The following THSD7B variants were observed in gnomAD, a reference collection of about 807,000 sequenced individuals.
The protein encoded by THSD7B is thrombospondin type 1 domain containing 7B.
THSD7B carries 138 observed loss-of-function variants against 213.6 expected under a neutral mutation model. The ratio of observed to expected loss-of-function variants is 0.65; its 90% CI spans 0.56 to 0.74. THSD7B has a LOEUF of 0.74. THSD7B is among the 30% of genes least tolerant of loss of function. The probability of loss-of-function intolerance (pLI) is 0.00; values close to 1 mark genes in which losing one functional copy is unlikely to be tolerated. For missense variants in THSD7B, 1,931 were observed against 1,991.5 expected (o/e 0.97, Z 0.58); for synonymous variants, 742 against 687.0 (o/e 1.08, Z -1.25).
chr2:137,234,740 G>T (rs996470461), intron 9 of THSD7B, among the ~76,000 whole-genome samples: 1 of 152,170 alleles, frequency 6.6e-6, no homozygotes, highest in Non-Finnish European at 1.5e-5. Context: ...GGAGTGATCG[G>T]TTTGCCAAGG....
chr2:137,161,416 C>T (rs1481482715), intron 6 of THSD7B, among the ~76,000 whole-genome samples: 1 of 151,758 alleles, frequency 6.6e-6, no homozygotes, highest in Non-Finnish European at 1.5e-5. Flanking sequence ...TGCTAGCATG[C>T]TTGCATACCT....
intron 1 of THSD7B, among the ~76,000 whole-genome samples, chr2:136,783,882 TGA>T (rs1681791386): frequency 6.6e-6 from 1 of 152,248 alleles, no homozygotes; most frequent in Admixed American, 6.5e-5. Context: ...AATCAGTTTG[TGA>T]GAGTCTTCTT....
intron 17 of THSD7B, among the ~76,000 whole-genome samples, chr2:137,586,920 C>T (rs1408983428): frequency 6.6e-6 from 1 of 152,182 alleles, no homozygotes; most frequent in Non-Finnish European, 1.5e-5. Flanking sequence ...GGAAAATATC[C>T]TGCAGAGTGT....
intron 10 of THSD7B, among the ~76,000 whole-genome samples, chr2:137,253,585 G>T (rs1682236043): frequency 6.6e-6 from 1 of 152,074 alleles, no homozygotes; most frequent in Admixed American, 6.6e-5. Flanking sequence ...AGAATTCTCT[G>T]CAGACAATAT....
intron 2 of THSD7B, among the ~76,000 whole-genome samples, chr2:136,956,673 T>C (rs906158255): frequency 6.7e-6 from 1 of 149,498 alleles, no homozygotes; most frequent in East Asian, 2.0e-4. Context: ...TTACTTTAAT[T>C]TTTTTTCTTT....
At chr2:136,814,444 G>T (rs1682438236) in intron 1 of THSD7B, among the ~76,000 whole-genome samples, 1 of 151,764 alleles carries the variant, frequency 6.6e-6, no homozygotes, top group Non-Finnish European at 1.5e-5. Context: ...TGTTGCCCAG[G>T]CTCGAGTGCA....
At chr2:137,481,073 C>T (rs942374877) in intron 15 of THSD7B, among the ~76,000 whole-genome samples, 1 of 152,154 alleles carries the variant, frequency 6.6e-6, no homozygotes, top group African/African-American at 2.4e-5. Flanking sequence ...TTTTAAGCTG[C>T]CATCTTGGAA....
intron 20 of THSD7B, among the ~76,000 whole-genome samples, chr2:137,625,746 G>C (rs1242767618): frequency 6.6e-6 from 1 of 152,162 alleles, no homozygotes; most frequent in Non-Finnish European, 1.5e-5. Context: ...ACTGCCAATG[G>C]CTCTACAGTC....
intron 2 of THSD7B, among the ~76,000 whole-genome samples, chr2:137,020,700 C>T (rs1409576122): frequency 6.6e-6 from 1 of 152,178 alleles, no homozygotes; most frequent in African/African-American, 2.4e-5. Context: ...AGCACTCCTT[C>T]GCTTTGCCCC....
intron 12 of THSD7B, among the ~76,000 whole-genome samples, chr2:137,319,626 C>T (rs1684219673): frequency 6.6e-6 from 1 of 152,192 alleles, no homozygotes; most frequent in African/African-American, 2.4e-5. Flanking sequence ...ATGGCTGTTG[C>T]TGCCATTTTC....
chr2:137,546,480 TA>T (rs1680741966), intron 15 of THSD7B, among the ~76,000 whole-genome samples: 1 of 68,600 alleles, frequency 1.5e-5, no homozygotes, highest in African/African-American at 6.8e-5. Context: ...ATATATATAA[TA>T]TATATATATA....
At chr2:136,996,712 TTTAA>T (rs1278241328) in intron 2 of THSD7B, among the ~76,000 whole-genome samples, 2 of 152,182 alleles carry the variant, frequency 1.3e-5, no homozygotes, top group African/African-American at 4.8e-5. Flanking sequence ...AATAAAATAA[TTTAA>T]TTATTAATCA....
chr2:137,238,194 C>G (rs1681810973), intron 9 of THSD7B, among the ~76,000 whole-genome samples: 1 of 152,146 alleles, frequency 6.6e-6, no homozygotes, highest in African/African-American at 2.4e-5. Context: ...ATTAGCAACT[C>G]TCTATAGAAA....
rs1681629596 is a variant in THSD7B at position 137,231,113 on chromosome 2, G to A, written c.1793G>A (p.Cys598Tyr). The A allele has an allele frequency of 6.2e-7, 1 of 1,613,846 alleles. No homozygotes were observed. The highest frequency in any genetic ancestry group is 8.5e-7 in the Non-Finnish European group (1 of 1,179,800). Residue 598 changes from cysteine to tyrosine, a missense_variant, in exon 8 of 28, where the codon TGC (cysteine) becomes TAC (tyrosine). Physicochemically the swap from Cys to Tyr is radical, Grantham distance 194. Coordinates refer to ENST00000409968, the MANE Select transcript of THSD7B (RefSeq NM_001316349.2). ...PPERKSCEIP[C>Y]RMDCVLSEWT... ...GAGAGGAAGTCTTGTGAAATTCCCT[G>A]CCGAATGGACTGTGTGCTGAGCGAG...
At chr2:137,482,806 G>A (rs897512455) in intron 15 of THSD7B, among the ~76,000 whole-genome samples, 16 of 151,666 alleles carry the variant, frequency 1.1e-4, no homozygotes, top group African/African-American at 3.9e-4. Context: ...TTCTCACCTT[G>A]TGCCAGAGCA....
At chr2:137,238,802 C>T (rs1442227711) in intron 9 of THSD7B, among the ~76,000 whole-genome samples, 1 of 151,464 alleles carries the variant, frequency 6.6e-6, no homozygotes, top group Non-Finnish European at 1.5e-5. Context: ...ATCCACCCGC[C>T]TCGGCCTCCC....
intron 1 of THSD7B, among the ~76,000 whole-genome samples, chr2:136,829,643 G>A (rs530737635): frequency 1.3e-5 from 2 of 152,054 alleles, no homozygotes; most frequent in Non-Finnish European, 2.9e-5. Flanking sequence ...GGAGAAGAAA[G>A]ATTAAGCACT....
intron 2 of THSD7B, among the ~76,000 whole-genome samples, chr2:136,970,943 A>G (rs1685394389): frequency 1.3e-5 from 2 of 152,234 alleles, no homozygotes; most frequent in African/African-American, 4.8e-5. Flanking sequence ...AATCTTAAAC[A>G]TACAATAAAG....
At chr2:137,663,895 AG>A (rs2104824115) in intron 26 of THSD7B, among the ~76,000 whole-genome samples, 1 of 152,272 alleles carries the variant, frequency 6.6e-6, no homozygotes, top group East Asian at 1.9e-4. Flanking sequence ...TCTGTCGCCC[AG>A]GCTGCAGTCC....
Sources: gnomAD v4.1 joint callset for allele counts (sites outside exome capture counted in the v4.1 genomes callset) on GRCh38, gnomAD v4.1.1 for gene constraint, MANE v1.5 for transcripts, NCBI Gene and HGNC (gene_info 2026-07-23, HGNC 2026-07-21) for gene names.